Variants in CA5A observed in about 807,000 individuals in gnomAD.
CA5A encodes the protein carbonic anhydrase 5A, mitochondrial.
A neutral mutation model predicts 37.1 loss-of-function variants in CA5A; 28 were observed. That is an observed-to-expected ratio of 0.75 (90% CI 0.56 to 1.03). CA5A has a LOEUF of 1.03. Ranked by LOEUF, CA5A falls within the 50% of genes least tolerant of loss-of-function variation. CA5A has a pLI of 0.00. For synonymous variants in CA5A, 171 were observed against 158.4 expected, an observed-to-expected ratio of 1.08 and a Z score of -0.60; for missense variants, 444 against 399.9, an observed-to-expected ratio of 1.11 and a Z score of -0.94.
At chr16:87,899,724 A>G (rs1415774557) in intron 5 of CA5A, among the ~76,000 whole-genome samples, 1 of 150,164 alleles carries the variant, frequency 6.7e-6, no homozygotes, top group Non-Finnish European at 1.5e-5. Context: ...GTTTGACACC[A>G]GCCTGGCCAA....
intron 1 of CA5A, among the ~76,000 whole-genome samples, chr16:87,932,748 A>G (rs192980966): frequency 2.4e-4 from 37 of 152,030 alleles, no homozygotes; most frequent in African/African-American, 7.7e-4. Flanking sequence ...ACACGGGCGC[A>G]GTCTGGAAGG....
At chr16:87,902,066 A>G in intron 4 of CA5A, 92 bp from the exon 5 acceptor site, 3 of 1,172,422 alleles carry the variant, frequency 2.6e-6, no homozygotes, top group East Asian at 2.4e-5. Context: ...TTTAAAAGCA[A>G]TCCTAGGCCA....
chr16:87,891,195 C>T (rs959949902), intron 6 of CA5A, among the ~76,000 whole-genome samples: 8 of 150,838 alleles, frequency 5.3e-5, no homozygotes, highest in Admixed American at 1.3e-4. Flanking sequence ...AGGCCGGGCT[C>T]GGTGGCTTAT....
chr16:87,905,822 C>A (rs1166532377), intron 2 of CA5A, among the ~76,000 whole-genome samples: 5 of 152,240 alleles, frequency 3.3e-5, no homozygotes, highest in Non-Finnish European at 5.9e-5. Flanking sequence ...TCTCTACCTG[C>A]AGGCCTCGGG....
intron 2 of CA5A, among the ~76,000 whole-genome samples, chr16:87,925,263 G>T (rs2056289075): frequency 6.6e-6 from 1 of 152,150 alleles, no homozygotes; most frequent in Non-Finnish European, 1.5e-5. Flanking sequence ...TCAGAGCTAA[G>T]CTACATTCAG....
At chr16:87,896,674 C>T (rs1009361084) in intron 5 of CA5A, among the ~76,000 whole-genome samples, 3 of 152,212 alleles carry the variant, frequency 2.0e-5, no homozygotes, top group African/African-American at 2.4e-5. Flanking sequence ...GAGTTTCACT[C>T]TTGTTGCTCA....
intron 2 of CA5A, among the ~76,000 whole-genome samples, chr16:87,921,863 A>G (rs1276568240): frequency 2.5e-5 from 2 of 79,426 alleles, no homozygotes; most frequent in Non-Finnish European, 5.2e-5. Context: ...TGTTATTGTT[A>G]TTATTATTAT....
chr16:87,892,172 A>C (rs1383696563), intron 5 of CA5A: 2 of 460,620 alleles, frequency 4.3e-6, no homozygotes, highest in Non-Finnish European at 7.6e-6. Context: ...GGTGGGAATT[A>C]CGTTACATTA....
intron 1 of CA5A, among the ~76,000 whole-genome samples, chr16:87,927,734 G>A (rs1369540399): frequency 1.3e-5 from 2 of 151,846 alleles, no homozygotes; most frequent in Non-Finnish European, 2.9e-5. Context: ...GGTGGCGGGC[G>A]CCTGTAATCC....
At chr16:87,928,696 A>C (rs2056350187) in intron 1 of CA5A, among the ~76,000 whole-genome samples, 1 of 151,426 alleles carries the variant, frequency 6.6e-6, no homozygotes, top group Admixed American at 6.6e-5. Context: ...TTGCAATTAA[A>C]CAAAGCTGTG....
intron 6 of CA5A, among the ~76,000 whole-genome samples, chr16:87,889,068 C>T (rs2055677462): frequency 6.6e-6 from 1 of 152,048 alleles, no homozygotes. Context: ...TACAGGCATG[C>T]ACCACCATGC....
intron 2 of CA5A, among the ~76,000 whole-genome samples, chr16:87,915,230 C>T (rs545464456): frequency 3.2e-4 from 48 of 152,312 alleles, no homozygotes; most frequent in South Asian, 2.9e-3. Flanking sequence ...ATCTACAATT[C>T]GAAGCTCCAC....
intron 2 of CA5A, among the ~76,000 whole-genome samples, chr16:87,918,390 C>T (rs1380422644): frequency 6.6e-6 from 1 of 151,950 alleles, no homozygotes; most frequent in Non-Finnish European, 1.5e-5. Flanking sequence ...TTCCCTCCTC[C>T]CCCCGCTTTG....
At chr16:87,922,896 C>T (rs964074080) in intron 2 of CA5A, among the ~76,000 whole-genome samples, 2 of 152,232 alleles carry the variant, frequency 1.3e-5, no homozygotes, top group African/African-American at 4.8e-5. Flanking sequence ...GGCCTCTGGC[C>T]GAGGAGTTCC....
At chr16:87,920,951 G>A (rs181311146) in intron 2 of CA5A, among the ~76,000 whole-genome samples, 19 of 152,018 alleles carry the variant, frequency 1.2e-4, no homozygotes, top group African/African-American at 3.6e-4. Flanking sequence ...GCACCATCAC[G>A]CCTGGCTACT....
chr16:87,891,708 C>G (rs915251776), intron 6 of CA5A, 91 bp downstream of exon 6: 1 of 1,144,850 alleles, frequency 8.7e-7, no homozygotes. Context: ...TATAACTCCA[C>G]AACGCTCTCA....
intron 2 of CA5A, among the ~76,000 whole-genome samples, chr16:87,914,197 G>A (rs553095805): frequency 7.2e-5 from 11 of 152,328 alleles, no homozygotes; most frequent in Admixed American, 3.9e-4. Context: ...ATGTGTTGTT[G>A]CCTGTGGCTT....
At chr16:87,923,528 CCTT>C in intron 2 of CA5A, 1 of 984,820 alleles carries the variant, frequency 1.0e-6, no homozygotes, top group Non-Finnish European at 1.2e-6. Context: ...ATACCTTCCT[CCTT>C]CTAGGAGTAG....
downstream of CA5A, chr16:87,883,394 A>C (rs1459706406): frequency 2.7e-5 from 4 of 148,636 alleles, no homozygotes; most frequent in Non-Finnish European, 5.9e-5. Context: ...CAGTGGCACG[A>C]TCTCGGCTCA....
Sources: allele counts gnomAD v4.1 joint callset (sites outside exome capture counted in the v4.1 genomes callset), GRCh38; gene constraint gnomAD v4.1.1; transcripts MANE v1.5; gene names NCBI Gene and HGNC (gene_info 2026-07-23, HGNC 2026-07-21).